Variants in CHODL observed in about 807,000 individuals in gnomAD.
The protein encoded by CHODL is chondrolectin, also known as transmembrane protein MT75.
A neutral mutation model predicts 34.5 loss-of-function variants in CHODL; 29 were observed. That is an observed-to-expected ratio of 0.84 (90% CI 0.63 to 1.15). The LOEUF (loss-of-function observed/expected upper bound fraction) is 1.15, where lower values mean the gene tolerates loss of function less well. CHODL is among the 50% of genes most tolerant of loss of function. The pLI is 0.00. For synonymous variants in CHODL, 125 were observed against 116.1 expected (o/e 1.08, Z -0.49); for missense variants, 332 against 332.5 (o/e 1.00, Z 0.01).
At chr21:18,070,398 C>T (rs886076186) in intron 2 of CHODL, among the ~76,000 whole-genome samples, 5 of 151,276 alleles carry the variant, frequency 3.3e-5, no homozygotes, top group African/African-American at 9.7e-5. Flanking sequence ...AGGGATTTCA[C>T]AAAATTCACC....
At chr21:18,162,081 T>C (rs2146644527) in intron 2 of CHODL, among the ~76,000 whole-genome samples, 1 of 152,268 alleles carries the variant, frequency 6.6e-6, no homozygotes, top group East Asian at 1.9e-4. Context: ...CACTAACCCC[T>C]CTTTCTCCTC....
chr21:18,010,733 TAAAAAC>T (rs1600891840), intron 1 of CHODL, among the ~76,000 whole-genome samples: 1 of 152,198 alleles, frequency 6.6e-6, no homozygotes, highest in Non-Finnish European at 1.5e-5. Context: ...ACAAACCACT[TAAAAAC>T]AAACTTGAGT....
chr21:17,997,719 C>G (rs533891925), intron 1 of CHODL, among the ~76,000 whole-genome samples: 4 of 152,136 alleles, frequency 2.6e-5, no homozygotes, highest in East Asian at 1.9e-4. Context: ...CCTGATATGC[C>G]CATCGGATCT....
At chr21:18,002,859 C>T (rs560877183) in intron 1 of CHODL, among the ~76,000 whole-genome samples, 2 of 152,094 alleles carry the variant, frequency 1.3e-5, no homozygotes, top group South Asian at 4.1e-4. Context: ...CGCTGTGGCT[C>T]ACGCCTGTAA....
At chr21:18,212,305 T>G (rs974565736) in intron 2 of CHODL, among the ~76,000 whole-genome samples, 11 of 152,136 alleles carry the variant, frequency 7.2e-5, no homozygotes, top group Non-Finnish European at 1.5e-4. Context: ...AATCAATAGA[T>G]CAATAAGAGA....
intron 2 of CHODL, among the ~76,000 whole-genome samples, chr21:18,150,245 A>G (rs1947629070): frequency 6.6e-6 from 1 of 152,182 alleles, no homozygotes; most frequent in South Asian, 2.1e-4. Context: ...GCCTTCAGGT[A>G]GCAGGCCTCA....
intron 1 of CHODL, among the ~76,000 whole-genome samples, chr21:17,953,344 G>A (rs1228183150): frequency 6.6e-6 from 1 of 152,144 alleles, no homozygotes; most frequent in Non-Finnish European, 1.5e-5. Flanking sequence ...TTGCATGCCT[G>A]TAGTCCTAGC....
chr21:18,232,522 AG>A (rs536000398), intron 2 of CHODL, among the ~76,000 whole-genome samples: 30 of 152,090 alleles, frequency 2.0e-4, no homozygotes, highest in Admixed American at 2.6e-4. Flanking sequence ...CATTCATGAG[AG>A]GGGAGCTCCC....
intron 3 of CHODL, among the ~76,000 whole-genome samples, chr21:18,257,372 C>T (rs1261715442): frequency 6.6e-6 from 1 of 152,052 alleles, no homozygotes; most frequent in Non-Finnish European, 1.5e-5. Flanking sequence ...AAAAAATAAT[C>T]ATTTCTTACA....
chr21:18,250,409 A>C (rs942555302), intron 1 of CHODL, among the ~76,000 whole-genome samples: 2 of 152,030 alleles, frequency 1.3e-5, no homozygotes, highest in Non-Finnish European at 2.9e-5. Context: ...ACCATCCAGA[A>C]AATGACCACA....
intron 2 of CHODL, among the ~76,000 whole-genome samples, chr21:18,035,387 T>C (rs1023484942): frequency 3.9e-5 from 6 of 152,030 alleles, no homozygotes; most frequent in Non-Finnish European, 7.4e-5. Context: ...CTTTTAAGAC[T>C]TCCTCTTTAT....
chr21:18,060,918 C>T (rs992361249), intron 2 of CHODL, among the ~76,000 whole-genome samples: 10 of 152,056 alleles, frequency 6.6e-5, no homozygotes, highest in Non-Finnish European at 1.5e-4. Context: ...TAAACAACTA[C>T]CATAAATGAG....
At chr21:18,226,614 T>G (rs1218700117) in intron 2 of CHODL, among the ~76,000 whole-genome samples, 2 of 152,144 alleles carry the variant, frequency 1.3e-5, no homozygotes, top group Non-Finnish European at 2.9e-5. Flanking sequence ...TTACATTTTA[T>G]ATACTAAGTA....
intron 2 of CHODL, among the ~76,000 whole-genome samples, chr21:18,169,472 C>G (rs1251924086): frequency 6.6e-6 from 1 of 151,466 alleles, no homozygotes; most frequent in Non-Finnish European, 1.5e-5. Context: ...TATCTTTATG[C>G]CAAGACCACA....
At chr21:17,979,283 G>T (rs1340359041) in intron 1 of CHODL, among the ~76,000 whole-genome samples, 1 of 152,166 alleles carries the variant, frequency 6.6e-6, no homozygotes, top group African/African-American at 2.4e-5. Flanking sequence ...ATTTGAGAGA[G>T]TTCTTGATAA....
chr21:18,013,194 T>C (rs1324155387), intron 1 of CHODL, among the ~76,000 whole-genome samples: 2 of 152,208 alleles, frequency 1.3e-5, no homozygotes, highest in Non-Finnish European at 2.9e-5. Flanking sequence ...TATCTCATGT[T>C]CTCACTCTCT....
chr21:18,128,505 A>G (rs1275787581), intron 2 of CHODL, among the ~76,000 whole-genome samples: 1 of 151,988 alleles, frequency 6.6e-6, no homozygotes, highest in African/African-American at 2.4e-5. Context: ...AATAAAATTA[A>G]CAGTCTATGG....
chr21:18,252,746 C>T (rs1233570771), intron 1 of CHODL, among the ~76,000 whole-genome samples: 1 of 152,110 alleles, frequency 6.6e-6, no homozygotes, highest in Non-Finnish European at 1.5e-5. Context: ...CTTTTCAGTT[C>T]AAACTCTGTA....
intron 2 of CHODL, among the ~76,000 whole-genome samples, chr21:18,229,712 C>A (rs555996659): frequency 4.6e-5 from 7 of 152,068 alleles, no homozygotes; most frequent in African/African-American, 1.7e-4. Context: ...ATATTAACTT[C>A]TTTTTCTTCT....
Sources: allele counts gnomAD v4.1 joint callset (sites outside exome capture counted in the v4.1 genomes callset), GRCh38; gene constraint gnomAD v4.1.1; transcripts MANE v1.5; gene names NCBI Gene and HGNC (gene_info 2026-07-23, HGNC 2026-07-21).